APBB1IP: variants seen among roughly 807,000 people sequenced by gnomAD.
APBB1IP encodes the protein amyloid beta precursor protein binding family B member 1 interacting protein.
A neutral mutation model predicts 64.9 loss-of-function variants in APBB1IP; 27 were observed. That is an observed-to-expected ratio of 0.42 (90% CI 0.31 to 0.57). The LOEUF (loss-of-function observed/expected upper bound fraction) is 0.57, where lower values mean the gene tolerates loss of function less well. APBB1IP is among the 20% of genes least tolerant of loss of function. APBB1IP has a pLI of 0.20. For synonymous variants in APBB1IP, 392 were observed against 331.0 expected (o/e 1.18, Z -2.00); for missense variants, 812 against 845.5 (o/e 0.96, Z 0.49).
intron 8 of APBB1IP, among the ~76,000 whole-genome samples, chr10:26,523,457 C>T (rs1366693936): frequency 2.6e-5 from 4 of 151,980 alleles, no homozygotes; most frequent in South Asian, 2.1e-4. Flanking sequence ...GCCTTTGAGC[C>T]TTACCCTGGG....
At chr10:26,556,942 C>A (rs1836901557) in intron 11 of APBB1IP, among the ~76,000 whole-genome samples, 1 of 152,076 alleles carries the variant, frequency 6.6e-6, no homozygotes, top group Non-Finnish European at 1.5e-5. Context: ...AAGACAAGGG[C>A]ATTGGTTTGG....
At chr10:26,530,081 C>G (rs1297111775) in intron 8 of APBB1IP, among the ~76,000 whole-genome samples, 2 of 152,184 alleles carry the variant, frequency 1.3e-5, no homozygotes, top group African/African-American at 4.8e-5. Flanking sequence ...CATATTGGGT[C>G]ACATCTTTTG....
chr10:26,561,039 C>CTTTTCTTT (rs1392283437), intron 13 of APBB1IP, among the ~76,000 whole-genome samples, 195 bp downstream of exon 13: 1 of 135,650 alleles, frequency 7.4e-6, no homozygotes, highest in Non-Finnish European at 1.6e-5. Context: ...TTTTCTTTTT[C>CTTTTCTTT]TTTTCTTTTT....
In APBB1IP at chr10:26,543,384, T is replaced by G. The variant is rs189697674; in HGVS notation, c.1155+1692T>G. Among the ~76,000 whole-genome samples, 1,253 of 151,446 alleles carry G rather than the reference T, an allele frequency of 8.3e-3. 13 individuals are homozygous for G. The highest frequency in any genetic ancestry group is 0.013 in the Non-Finnish European group (859 of 67,892). ...GGGGGGCTTGAGGCAGGAGAATCAC[T>G]TGAACCCGGGAGGCGGAGGTTGCAG... On this transcript the variant is annotated intron_variant, in intron 11 of 14. Transcript: ENST00000376236.
At chr10:26,456,014 A>G (rs548405097) in intron 2 of APBB1IP, among the ~76,000 whole-genome samples, 2 of 152,378 alleles carry the variant, frequency 1.3e-5, no homozygotes, top group South Asian at 2.1e-4. Flanking sequence ...ACATTAATGT[A>G]TCATCCCATT....
intron 5 of APBB1IP, 40 bp from the exon 6 acceptor site, chr10:26,503,157 C>T: frequency 1.3e-6 from 2 of 1,598,618 alleles, no homozygotes; most frequent in Non-Finnish European, 1.7e-6. Context: ...ACTGGTATTA[C>T]TTAATGGACT....
chr10:26,490,029 G>C (rs1463721548), intron 2 of APBB1IP, among the ~76,000 whole-genome samples: 3 of 151,862 alleles, frequency 2.0e-5, no homozygotes, highest in Non-Finnish European at 4.4e-5. Flanking sequence ...CATCTCAAAA[G>C]AAGAAGAAGA....
intron 5 of APBB1IP, chr10:26,501,574 T>C (rs1836100746): frequency 5.5e-6 from 1 of 182,692 alleles, no homozygotes; most frequent in Non-Finnish European, 1.1e-5. Flanking sequence ...AAGTATCACT[T>C]GTAATGTCAT....
At chr10:26,470,522 G>C (rs1293481944) in intron 2 of APBB1IP, among the ~76,000 whole-genome samples, 4 of 152,208 alleles carry the variant, frequency 2.6e-5, no homozygotes, top group Non-Finnish European at 5.9e-5. Flanking sequence ...CTAGGCGACA[G>C]AGCGAGACTC....
In APBB1IP at chr10:26,494,476, TA is replaced by T. The variant is rs530423571; in HGVS notation, c.73-1820del. 2.1e-3 allele frequency among the ~76,000 whole-genome samples: 317 copies of T among 152,174 alleles called. 3 individuals are homozygous for T. Among genetic ancestry groups the T allele is most frequent in the African/African-American group, 7.3e-3 (302 of 41,518 alleles). ...AAGATAAGGATCTTCAAAAGCTTTC[TA>T]AAAAAAATAAATGAATAGACTGTGT... On this transcript the variant is annotated intron_variant, in intron 3 of 14. Transcript: ENST00000376236.
intron 2 of APBB1IP, among the ~76,000 whole-genome samples, chr10:26,490,517 C>T: frequency 6.6e-6 from 1 of 152,076 alleles, no homozygotes; most frequent in Non-Finnish European, 1.5e-5. Flanking sequence ...TCCAGCTACT[C>T]AGGAGGCTGA....
intron 2 of APBB1IP, among the ~76,000 whole-genome samples, chr10:26,475,701 C>A (rs943468724): frequency 2.0e-5 from 3 of 152,168 alleles, no homozygotes; most frequent in Non-Finnish European, 4.4e-5. Context: ...TATCTACCCC[C>A]ACATGGTTTC....
intron 2 of APBB1IP, among the ~76,000 whole-genome samples, chr10:26,485,752 C>T (rs745959025): frequency 5.9e-5 from 9 of 152,096 alleles, no homozygotes; most frequent in Non-Finnish European, 1.3e-4. Flanking sequence ...ACATGTTTAC[C>T]AAGTGCAGTA....
chr10:26,476,463 A>AAAAAG (rs1835777403), intron 2 of APBB1IP, among the ~76,000 whole-genome samples: 2 of 149,240 alleles, frequency 1.3e-5, no homozygotes, highest in Admixed American at 6.6e-5. Context: ...AAAAAAAAAA[A>AAAAAG]AAGAAGAAAA....
chr10:26,524,955 C>CTTTTTTTTTTT (rs56982662), intron 8 of APBB1IP, among the ~76,000 whole-genome samples: 23 of 73,936 alleles, frequency 3.1e-4, no homozygotes, highest in South Asian at 1.5e-3. Flanking sequence ...TTCTTTCTTT[C>CTTTTTTTTTTT]TTTTTTTTTT....
At chr10:26,552,846 G>A (rs943673307) in intron 11 of APBB1IP, among the ~76,000 whole-genome samples, 1 of 152,062 alleles carries the variant, frequency 6.6e-6, no homozygotes, top group Non-Finnish European at 1.5e-5. Context: ...ACCCTCTGCA[G>A]ACAATTCTTC....
In APBB1IP at chr10:26,511,901, A is replaced by T; in HGVS notation, c.686A>T (p.Gln229Leu). 1 of 1,614,198 alleles carries T rather than the reference A, an allele frequency of 6.2e-7. No individual in the cohort carries two copies. Among genetic ancestry groups the T allele is most frequent in the Non-Finnish European group, 8.5e-7 (1 of 1,180,030 alleles). The change falls in exon 7 of 15, where the codon CAA becomes CTA. Residue 229 changes from glutamine (Q) to leucine (L), a missense_variant. Gln to Leu is a moderately radical substitution (Grantham distance 113). This residue lies in a region of APBB1IP where 394 missense variants were observed against 413.1 expected (regional missense o/e 0.95). Transcript: ENST00000376236. ...WCLYEIYPEL[Q>L]IERFFEDHEN... ...CTTTATGAAATCTACCCGGAACTAC[A>T]AATTGGTAAGTCCCATCCCCAGCAA...
At chr10:26,448,933 T>C (rs1249621911) in intron 2 of APBB1IP, among the ~76,000 whole-genome samples, 1 of 152,180 alleles carries the variant, frequency 6.6e-6, no homozygotes, top group African/African-American at 2.4e-5. Context: ...TGCTTCCACC[T>C]GCTAGTTCAC....
chr10:26,563,637 T>C (rs1003328525), intron 14 of APBB1IP, among the ~76,000 whole-genome samples: 1 of 152,218 alleles, frequency 6.6e-6, no homozygotes, highest in Non-Finnish European at 1.5e-5. Context: ...ATTTCTCTTG[T>C]GTGATTCAAA....
Sources: allele counts gnomAD v4.1 joint callset (sites outside exome capture counted in the v4.1 genomes callset), GRCh38; gene constraint gnomAD v4.1.1; regional missense constraint gnomAD v4.1.1; transcripts MANE v1.5; gene names NCBI Gene and HGNC (gene_info 2026-07-23, HGNC 2026-07-21).